The following PHACTR3 variants were observed in gnomAD, a reference collection of about 807,000 sequenced individuals.
PHACTR3 encodes the protein phosphatase and actin regulator 3, also known as protein phosphatase 1, regulatory subunit 123.
In PHACTR3, 16 loss-of-function variants were observed where a neutral mutation model predicts 66.8. That is an observed-to-expected ratio of 0.24 (90% CI 0.16 to 0.36). The LOEUF is 0.36. Ranked by LOEUF, PHACTR3 falls within the 10% of genes least tolerant of loss-of-function variation. The pLI is 1.00. For missense variants in PHACTR3, 647 were observed against 719.9 expected (o/e 0.90, Z 1.16); for synonymous variants, 323 against 292.1 (o/e 1.11, Z -1.08).
At position 59,743,260 on chromosome 20, in the gene PHACTR3, C is replaced by A; in HGVS notation, c.272C>A (p.Thr91Lys). ...RKKKNEKLKQ[T>K]TSALEKKMAG... ...AAGAAAAACGAAAAACTGAAGCAGA[C>A]AACGTCAGGTAAAGGCCTGGTGACA... Residue 91 changes from threonine (T) to lysine (K), a missense_variant, in exon 2 of 13, where the codon ACA (threonine) becomes AAA (lysine). Physicochemically the swap from Thr to Lys is moderately conservative, Grantham distance 78 (BLOSUM62 -1). This residue lies in a region of PHACTR3 where 577 missense variants were observed against 571.1 expected (regional missense o/e 1.01). Coordinates refer to ENST00000371015, the MANE Select transcript of PHACTR3 (RefSeq NM_080672.5). The A allele has an allele frequency of 6.2e-7, 1 of 1,614,036 alleles. No individual in the cohort carries two copies. The highest frequency in any genetic ancestry group is 2.2e-5 in the East Asian group (1 of 44,872).
At chr20:59,787,451 G>A (rs1043281801) in intron 7 of PHACTR3, among the ~76,000 whole-genome samples, 2 of 152,234 alleles carry the variant, frequency 1.3e-5, no homozygotes, top group Non-Finnish European at 2.9e-5. Flanking sequence ...GACAGGCAGA[G>A]ATCATTCTGG....
intron 1 of PHACTR3, among the ~76,000 whole-genome samples, chr20:59,686,641 GTGGTGATGATGATGGTGGTGATGATGA>G (rs1214080976): frequency 2.4e-4 from 35 of 147,162 alleles, no homozygotes; most frequent in African/African-American, 7.8e-4. Flanking sequence ...TGTGATGATG[GTGGTGATGATGATGGTGGTGATGATGA>G]TGGTGATGAT....
intron 1 of PHACTR3, among the ~76,000 whole-genome samples, chr20:59,678,395 GC>G (rs1432700366): frequency 6.6e-6 from 1 of 152,090 alleles, no homozygotes; most frequent in Non-Finnish European, 1.5e-5. Context: ...GGAGCCACAC[GC>G]TTTGCACCGT....
chr20:59,676,738 CAT>C, intron 1 of PHACTR3: 4 of 985,100 alleles, frequency 4.1e-6, no homozygotes, highest in Non-Finnish European at 4.8e-6. Flanking sequence ...TAAAGCCCTT[CAT>C]CCAGGATCCC....
At position 59,628,683 on chromosome 20, in the gene PHACTR3, C is replaced by T. The variant is rs141361621; in HGVS notation, c.118+23551C>T. On this transcript the variant is annotated intron_variant, in intron 1 of 12. Coordinates refer to ENST00000371015, the MANE Select transcript of PHACTR3 (RefSeq NM_080672.5). ...GACTCCTGGTTGGTCTCAAGACCTCCCCTGTTGCCTGTGCTCTGGAAGATT... is the reference window on the plus strand; with the variant it reads ...GACTCCTGGTTGGTCTCAAGACCTCTCCTGTTGCCTGTGCTCTGGAAGATT... The T allele has an allele frequency of 9.0e-3, 8,902 of 985,386 alleles. 58 individuals carry two copies. The highest frequency in any genetic ancestry group is 0.03 in the Middle Eastern group (58 of 1,914). The allele number at this position is 985,386 out of a possible 1,614,324, so 61.0% of individuals were successfully genotyped here. A position where few individuals can be genotyped will look rare whatever the true frequency, so the allele number is the denominator to read the frequency against.
rs544958997 is a variant in PHACTR3 at position 59,770,671 on chromosome 20, C to T, written c.752-2608C>T. ...TTCTTGAAAAGTCTTCATCTCTGAT[C>T]ACCCTCTGAGTCACTACAGGCCCAT... On this transcript the variant is annotated intron_variant, in intron 5 of 12. Coordinates refer to ENST00000371015, the MANE Select transcript of PHACTR3 (RefSeq NM_080672.5). Among the ~76,000 whole-genome samples, 10 of 152,344 alleles carry T rather than the reference C, an allele frequency of 6.6e-5. No homozygotes were observed. In the South Asian group the frequency reaches 2.1e-3, roughly 32 times the overall value.
chr20:59,741,385 C>T (rs1470889545), intron 1 of PHACTR3, among the ~76,000 whole-genome samples: 7 of 152,190 alleles, frequency 4.6e-5, no homozygotes, highest in Non-Finnish European at 7.3e-5. Context: ...CACGGGTCTG[C>T]GATCTTCCTC....
chr20:59,762,089 G>A (rs2040011078), intron 4 of PHACTR3, among the ~76,000 whole-genome samples: 1 of 152,200 alleles, frequency 6.6e-6, no homozygotes, highest in African/African-American at 2.4e-5. Flanking sequence ...GAGGAGGGAG[G>A]GAGAGAGGAG....
At chr20:59,615,102 A>G (rs6123921) in intron 1 of PHACTR3, among the ~76,000 whole-genome samples, 18,527 of 152,086 alleles carry the variant, frequency 0.12, 1,613 homozygotes, top group East Asian at 0.36. Context: ...GTTTTCCATC[A>G]AGAGGGGGCC....
chr20:59,740,212 T>C (rs557966346), intron 1 of PHACTR3, among the ~76,000 whole-genome samples: 1 of 152,322 alleles, frequency 6.6e-6, no homozygotes, highest in African/African-American at 2.4e-5. Context: ...TGATAAAGTC[T>C]AGACATATAG....
intron 1 of PHACTR3, among the ~76,000 whole-genome samples, chr20:59,642,630 T>C (rs1341473799): frequency 6.6e-6 from 1 of 152,222 alleles, no homozygotes; most frequent in African/African-American, 2.4e-5. Flanking sequence ...TCTGCTTTCA[T>C]TGGAAACTGA....
rs574058705 is a variant in PHACTR3 at position 59,686,821 on chromosome 20, ATGG to A, written c.119-56277_119-56275del. On this transcript the variant is annotated intron_variant, in intron 1 of 12. Coordinates refer to ENST00000371015, the MANE Select transcript of PHACTR3 (RefSeq NM_080672.5). ...GGTGATGATTGTGATGATGATGGTG[ATGG>A]TGGTGGTGATGATGATGGTGATGAT... is the stretch of plus-strand genomic sequence containing the variant. Among the ~76,000 whole-genome samples, 25 of 145,430 alleles carry A rather than the reference ATGG, an allele frequency of 1.7e-4. No homozygotes were observed. The South Asian group carries it at 3.6e-3, about 21-fold the overall frequency.
intron 1 of PHACTR3, among the ~76,000 whole-genome samples, chr20:59,648,504 A>G (rs2146443812): frequency 6.6e-6 from 1 of 152,322 alleles, no homozygotes; most frequent in African/African-American, 2.4e-5. Flanking sequence ...GTCTTTAAAA[A>G]ACATCTTTAA....
rs901415494 is a variant in PHACTR3, at chr20:59,847,663, C to T, written c.*533C>T. 2 of 152,582 alleles carry T rather than the reference C, an allele frequency of 1.3e-5. No homozygotes were observed. The highest frequency in any genetic ancestry group is 2.1e-4 in the South Asian group (1 of 4,830). The allele number at this position is 152,582 out of a possible 1,614,324, so 9.5% of individuals were successfully genotyped here. A position where few individuals can be genotyped will look rare whatever the true frequency, so the allele number is the denominator to read the frequency against. ...AAATACAGCTGCAACATTTTGATTC[C>T]TGTTAATTTTGTTCTTTAATTAAAT... is the stretch of plus-strand genomic sequence containing the variant. On this transcript the variant is annotated 3_prime_UTR_variant, in exon 13 of 13. Coordinates refer to ENST00000371015, the MANE Select transcript of PHACTR3 (RefSeq NM_080672.5).
At chr20:59,591,398 G>T (rs2033178272) in intron 1 of PHACTR3, among the ~76,000 whole-genome samples, 1 of 152,186 alleles carries the variant, frequency 6.6e-6, no homozygotes, top group South Asian at 2.1e-4. Context: ...CCCAGCTCTG[G>T]CCTTGGCCTC....
chr20:59,833,079 CTG>C (rs141784210), intron 8 of PHACTR3, among the ~76,000 whole-genome samples: 3,076 of 152,246 alleles, frequency 0.02, 117 homozygotes, highest in African/African-American at 0.068. Flanking sequence ...TCCTGGCACT[CTG>C]TAAGTAGAGA....
chr20:59,763,653 G>A (rs2040079099), intron 4 of PHACTR3, among the ~76,000 whole-genome samples: 1 of 152,226 alleles, frequency 6.6e-6, no homozygotes, highest in Admixed American at 6.5e-5. Context: ...AATGGAATCA[G>A]TTCTGAAGCC....
intron 8 of PHACTR3, among the ~76,000 whole-genome samples, chr20:59,807,845 A>G (rs2041618244): frequency 6.6e-6 from 1 of 152,214 alleles, no homozygotes; most frequent in Admixed American, 6.5e-5. Context: ...GCATATATAC[A>G]CATACAGGTA....
intron 1 of PHACTR3, among the ~76,000 whole-genome samples, chr20:59,641,559 C>T (rs750213452): frequency 6.6e-6 from 1 of 152,210 alleles, no homozygotes; most frequent in Admixed American, 6.5e-5. Flanking sequence ...ATGAGGCCCA[C>T]TCATGCTAGG....
Sources: allele counts gnomAD v4.1 joint callset (sites outside exome capture counted in the v4.1 genomes callset), GRCh38; gene constraint gnomAD v4.1.1; regional missense constraint gnomAD v4.1.1; transcripts MANE v1.5; gene names NCBI Gene and HGNC (gene_info 2026-07-23, HGNC 2026-07-21).